CLSTN2: variants seen among roughly 807,000 people sequenced by gnomAD.
CLSTN2 encodes calsyntenin-2.
A neutral mutation model predicts 101.2 loss-of-function variants in CLSTN2; 48 were observed. That is an observed-to-expected ratio of 0.47 (90% CI 0.38 to 0.60). The LOEUF (loss-of-function observed/expected upper bound fraction) is 0.60, where lower values mean the gene tolerates loss of function less well. CLSTN2 is among the 20% of genes least tolerant of loss of function. The pLI, the probability that CLSTN2 is intolerant of heterozygous loss-of-function variation, is 0.00. For synonymous variants in CLSTN2, 481 were observed against 463.6 expected, an observed-to-expected ratio of 1.04 and a Z score of -0.48; for missense variants, 1,160 against 1,238.2, an observed-to-expected ratio of 0.94 and a Z score of 0.95.
intron 1 of CLSTN2, among the ~76,000 whole-genome samples, chr3:140,025,245 G>A (rs547154461): frequency 4.6e-5 from 7 of 151,920 alleles, no homozygotes; most frequent in African/African-American, 1.7e-4. Flanking sequence ...TTTATTCCTG[G>A]GTGTGCTGAC....
intron 10 of CLSTN2, among the ~76,000 whole-genome samples, chr3:140,548,960 G>C (rs1003970213): frequency 6.7e-6 from 1 of 148,746 alleles, no homozygotes; most frequent in Non-Finnish European, 1.5e-5. Context: ...AATGTTTCAT[G>C]GATTAGATAC....
At chr3:140,412,308 C>T (rs1029996515) in intron 4 of CLSTN2, among the ~76,000 whole-genome samples, 1 of 152,208 alleles carries the variant, frequency 6.6e-6, no homozygotes, top group Non-Finnish European at 1.5e-5. Context: ...AGCCACCACA[C>T]CCAGCCCCAT....
At chr3:140,465,626 T>G (rs1576583194) in intron 7 of CLSTN2, among the ~76,000 whole-genome samples, 1 of 152,210 alleles carries the variant, frequency 6.6e-6, no homozygotes, top group Non-Finnish European at 1.5e-5. Context: ...AGGCATGGTA[T>G]ATACAGGATG....
At chr3:140,247,194 T>C (rs2086525800) in intron 2 of CLSTN2, among the ~76,000 whole-genome samples, 2 of 152,220 alleles carry the variant, frequency 1.3e-5, no homozygotes, top group Admixed American at 6.5e-5. Flanking sequence ...ATCTGTACCA[T>C]AGGGCTCTAG....
intron 2 of CLSTN2, among the ~76,000 whole-genome samples, chr3:140,196,240 T>C (rs2010641800): frequency 6.6e-6 from 1 of 152,226 alleles, no homozygotes; most frequent in African/African-American, 2.4e-5. Context: ...AGCTGGTCAT[T>C]GTCAGAGATG....
intron 2 of CLSTN2, among the ~76,000 whole-genome samples, chr3:140,188,195 G>T (rs957119102): frequency 1.7e-4 from 26 of 152,316 alleles, no homozygotes; most frequent in Admixed American, 1.5e-3. Context: ...TGCTTAAGCT[G>T]ACCTTTCACC....
chr3:140,172,373 C>T (rs766871181), intron 1 of CLSTN2, among the ~76,000 whole-genome samples: 2 of 152,064 alleles, frequency 1.3e-5, no homozygotes, highest in African/African-American at 4.8e-5. Flanking sequence ...AGTCAGGAGA[C>T]CCCTGCTGCC....
chr3:140,206,831 G>A (rs149612693), intron 2 of CLSTN2, among the ~76,000 whole-genome samples: 1 of 152,152 alleles, frequency 6.6e-6, no homozygotes, highest in East Asian at 1.9e-4. Context: ...TGCTGTCCAG[G>A]GTCCTTACAG....
chr3:140,439,742 T>TGCACACACAC (rs576857435), intron 5 of CLSTN2, among the ~76,000 whole-genome samples: 25 of 106,984 alleles, frequency 2.3e-4, no homozygotes, highest in African/African-American at 7.2e-4. Flanking sequence ...CACGTGCACG[T>TGCACACACAC]GCACACACAC....
intron 5 of CLSTN2, among the ~76,000 whole-genome samples, chr3:140,439,036 G>A (rs906666339): frequency 6.6e-6 from 1 of 152,244 alleles, no homozygotes; most frequent in Non-Finnish European, 1.5e-5. Flanking sequence ...CTTGGCACAG[G>A]CTCTAAAGAG....
At chr3:140,039,239 A>G (rs921481646) in intron 1 of CLSTN2, among the ~76,000 whole-genome samples, 1 of 152,102 alleles carries the variant, frequency 6.6e-6, no homozygotes, top group Non-Finnish European at 1.5e-5. Flanking sequence ...TTTAAATCTG[A>G]TTATTACTTT....
intron 2 of CLSTN2, among the ~76,000 whole-genome samples, chr3:140,357,618 C>A (rs2087685241): frequency 6.6e-6 from 1 of 152,072 alleles, no homozygotes; most frequent in South Asian, 2.1e-4. Flanking sequence ...CAAGCAGAGG[C>A]AGGAACACTG....
intron 2 of CLSTN2, among the ~76,000 whole-genome samples, chr3:140,240,697 T>G (rs2107867499): frequency 6.6e-6 from 1 of 152,248 alleles, no homozygotes; most frequent in East Asian, 1.9e-4. Flanking sequence ...TCCTTGACCT[T>G]ACTCTTGCCA....
intron 4 of CLSTN2, among the ~76,000 whole-genome samples, chr3:140,406,026 C>G (rs1193840179): frequency 6.6e-6 from 1 of 152,122 alleles, no homozygotes; most frequent in East Asian, 1.9e-4. Context: ...AGCTCATCAT[C>G]TAGCAGAAAA....
chr3:140,211,481 C>T (rs1395979258), intron 2 of CLSTN2, among the ~76,000 whole-genome samples: 1 of 148,432 alleles, frequency 6.7e-6, no homozygotes, highest in Non-Finnish European at 1.5e-5. Flanking sequence ...CTACTCCACA[C>T]TTATCTTGCT....
chr3:140,520,904 CT>C (rs1360244310), intron 8 of CLSTN2, among the ~76,000 whole-genome samples: 1 of 152,136 alleles, frequency 6.6e-6, no homozygotes, highest in Non-Finnish European at 1.5e-5. Context: ...GAAAAATAGT[CT>C]TCAAGCATTG....
intron 1 of CLSTN2, among the ~76,000 whole-genome samples, chr3:140,064,725 A>G (rs1415245170): frequency 6.6e-6 from 1 of 152,216 alleles, no homozygotes; most frequent in Non-Finnish European, 1.5e-5. Flanking sequence ...AGTAGAAATT[A>G]ATGTATTAGA....
intron 2 of CLSTN2, among the ~76,000 whole-genome samples, chr3:140,291,203 C>T (rs1054208255): frequency 6.6e-6 from 1 of 152,080 alleles, no homozygotes; most frequent in African/African-American, 2.4e-5. Flanking sequence ...AAGAGCCTGG[C>T]CCGAGATGAG....
chr3:140,525,496 G>T (rs1293412127), intron 8 of CLSTN2, among the ~76,000 whole-genome samples: 2 of 152,074 alleles, frequency 1.3e-5, no homozygotes, highest in African/African-American at 2.4e-5. Flanking sequence ...CCCATTATCA[G>T]ATCTGCAAAG....
Sources: gnomAD v4.1 joint callset for allele counts (sites outside exome capture counted in the v4.1 genomes callset) on GRCh38, gnomAD v4.1.1 for gene constraint, MANE v1.5 for transcripts, NCBI Gene and HGNC (gene_info 2026-07-23, HGNC 2026-07-21) for gene names.